The following CACNA2D3 variants were observed in gnomAD, a reference collection of about 807,000 sequenced individuals.
CACNA2D3 encodes the protein calcium voltage-gated channel auxiliary subunit alpha2delta 3, also known as voltage-dependent calcium channel subunit alpha-2/delta-3.
Under a neutral mutation model 160.6 loss-of-function variants are expected in CACNA2D3, and 60 were observed. The ratio of observed to expected loss-of-function variants is 0.37; its 90% CI spans 0.30 to 0.46. The LOEUF is 0.46. Ranked by LOEUF, CACNA2D3 falls within the 20% of genes least tolerant of loss-of-function variation. The pLI, the probability that CACNA2D3 is intolerant of heterozygous loss-of-function variation, is 1.00. For synonymous variants in CACNA2D3, 558 were observed against 492.9 expected (o/e 1.13, Z -1.75); for missense variants, 1,205 against 1,365.0 (o/e 0.88, Z 1.85).
At chr3:54,850,255 T>G (rs970292735) in intron 17 of CACNA2D3, among the ~76,000 whole-genome samples, 4 of 152,146 alleles carry the variant, frequency 2.6e-5, no homozygotes, top group Admixed American at 6.5e-5. Context: ...GAAGTAATCT[T>G]CAAAGGGGCC....
At chr3:54,723,105 AT>A (rs1380461851) in intron 11 of CACNA2D3, among the ~76,000 whole-genome samples, 2 of 152,210 alleles carry the variant, frequency 1.3e-5, no homozygotes, top group African/African-American at 4.8e-5. Context: ...GAGAGGAGAA[AT>A]CTGGCAGTCT....
At chr3:54,608,997 T>G (rs983222976) in intron 9 of CACNA2D3, among the ~76,000 whole-genome samples, 1 of 152,186 alleles carries the variant, frequency 6.6e-6, no homozygotes, top group Non-Finnish European at 1.5e-5. Context: ...GCCTCCTGAC[T>G]GAGCAATTGA....
Position 54,751,062 on chromosome 3 carries a change from G to A in CACNA2D3, c.1168-1537G>A, listed in dbSNP as rs1038073772. Reference sequence around the variant, plus strand: ...TGGGAGTACAGGTGTGAGCCACTGCGCTCAGCTGGATCTTTGCTTTCTTTT... The same window carrying A: ...TGGGAGTACAGGTGTGAGCCACTGCACTCAGCTGGATCTTTGCTTTCTTTT... On this transcript the variant is annotated intron_variant, in intron 11 of 37. Coordinates refer to ENST00000474759, the MANE Select transcript of CACNA2D3 (RefSeq NM_018398.3). Among the ~76,000 whole-genome samples, 9 of 152,082 alleles carry A rather than the reference G, an allele frequency of 5.9e-5. No individual in the cohort carries two copies. The South Asian group carries it at 8.3e-4, about 14-fold the overall frequency.
At chr3:54,960,343 AC>A (rs1201288687) in intron 27 of CACNA2D3, among the ~76,000 whole-genome samples, 29 of 151,966 alleles carry the variant, frequency 1.9e-4, no homozygotes, top group South Asian at 1.5e-3. Flanking sequence ...AAGATTACCA[AC>A]CCCCCATACC....
At chr3:54,259,987 C>G (rs1559899553) in intron 2 of CACNA2D3, among the ~76,000 whole-genome samples, 1 of 152,190 alleles carries the variant, frequency 6.6e-6, no homozygotes. Flanking sequence ...TCCTCCTTCT[C>G]CTTGGGAATT....
At chr3:54,186,943 G>A (rs1700888706) in intron 2 of CACNA2D3, among the ~76,000 whole-genome samples, 1 of 152,178 alleles carries the variant, frequency 6.6e-6, no homozygotes, top group Non-Finnish European at 1.5e-5. Context: ...CTAGTGAGGA[G>A]GGAAAGGAAA....
At chr3:54,820,141 A>G (rs1047591978) in intron 14 of CACNA2D3, among the ~76,000 whole-genome samples, 1 of 152,162 alleles carries the variant, frequency 6.6e-6, no homozygotes, top group African/African-American at 2.4e-5. Context: ...TCATGAGCGC[A>G]TACGTTGTAC....
chr3:54,186,619 A>G (rs1700882988), intron 2 of CACNA2D3, among the ~76,000 whole-genome samples: 1 of 152,160 alleles, frequency 6.6e-6, no homozygotes, highest in Non-Finnish European at 1.5e-5. Flanking sequence ...TTCTCTTCAT[A>G]CTACATGACT....
intron 13 of CACNA2D3, among the ~76,000 whole-genome samples, chr3:54,814,248 A>G (rs1051423548): frequency 8.5e-5 from 13 of 152,304 alleles, no homozygotes; most frequent in African/African-American, 2.9e-4. Context: ...AGCCGTTGCT[A>G]ATTAGTTAGA....
intron 11 of CACNA2D3, among the ~76,000 whole-genome samples, chr3:54,728,982 G>T (rs973322766): frequency 1.3e-5 from 2 of 152,164 alleles, no homozygotes; most frequent in African/African-American, 4.8e-5. Context: ...GGGAGAAATT[G>T]TCTGCAGAAC....
chr3:54,719,572 T>C (rs1195808504), intron 11 of CACNA2D3, among the ~76,000 whole-genome samples: 1 of 152,096 alleles, frequency 6.6e-6, no homozygotes, highest in Non-Finnish European at 1.5e-5. Flanking sequence ...TTAAGATCTT[T>C]GTGTCTGTGT....
intron 3 of CACNA2D3, among the ~76,000 whole-genome samples, chr3:54,330,289 G>C (rs1182237594): frequency 6.6e-6 from 1 of 151,594 alleles, no homozygotes; most frequent in Non-Finnish European, 1.5e-5. Flanking sequence ...AATATACTTA[G>C]AGAGCCTCCC....
chr3:54,356,145 T>C (rs1174130662), intron 3 of CACNA2D3, among the ~76,000 whole-genome samples: 1 of 152,152 alleles, frequency 6.6e-6, no homozygotes, highest in African/African-American at 2.4e-5. Context: ...GCTCCCTCAG[T>C]GAAATTTGGA....
rs183898403 is a variant in CACNA2D3 at position 54,522,950 on chromosome 3, T to C, written c.544+19296T>C. 1.3e-3 allele frequency among the ~76,000 whole-genome samples: 194 copies of C among 152,024 alleles called. 2 individuals carry two copies. The highest frequency in any genetic ancestry group is 4.6e-3 in the African/African-American group (189 of 41,492). On this transcript the variant is annotated intron_variant, in intron 5 of 37. Coordinates refer to ENST00000474759, the MANE Select transcript of CACNA2D3 (RefSeq NM_018398.3). ...TTTATTTATTTACTTACTTACTTAC[T>C]TACTTACTTACTTACTTACTTACTG... is the stretch of plus-strand genomic sequence containing the variant.
At chr3:54,272,057 AAGTTTCTTG>A (rs1702633514) in intron 2 of CACNA2D3, among the ~76,000 whole-genome samples, 3 of 151,816 alleles carry the variant, frequency 2.0e-5, no homozygotes, top group Admixed American at 2.0e-4. Flanking sequence ...AGAGGACTGG[AAGTTTCTTG>A]AGTGTCTCTT....
intron 4 of CACNA2D3, among the ~76,000 whole-genome samples, chr3:54,457,249 A>T (rs931026085): frequency 6.6e-6 from 1 of 151,544 alleles, no homozygotes; most frequent in Non-Finnish European, 1.5e-5. Flanking sequence ...AGGTTTTGGT[A>T]TGTTGTGTTT....
chr3:54,717,749 G>GGT (rs1200252737), intron 11 of CACNA2D3, among the ~76,000 whole-genome samples: 2 of 78,994 alleles, frequency 2.5e-5, no homozygotes, highest in African/African-American at 9.1e-5. Flanking sequence ...TGTGTGGTGT[G>GGT]GTGTGTGCAA....
intron 4 of CACNA2D3, among the ~76,000 whole-genome samples, chr3:54,391,556 A>C (rs549976597): frequency 8.0e-5 from 12 of 150,016 alleles, no homozygotes; most frequent in Non-Finnish European, 1.8e-4. Flanking sequence ...TGTCACCCAG[A>C]CCGGAGTGCA....
intron 12 of CACNA2D3, among the ~76,000 whole-genome samples, chr3:54,754,163 C>T (rs1054855175): frequency 5.3e-5 from 8 of 152,138 alleles, no homozygotes; most frequent in African/African-American, 1.9e-4. Flanking sequence ...AGTTTGGGGA[C>T]AGCACTGGGA....
Sources: gnomAD v4.1 joint callset for allele counts (sites outside exome capture counted in the v4.1 genomes callset) on GRCh38, gnomAD v4.1.1 for gene constraint, MANE v1.5 for transcripts, NCBI Gene and HGNC (gene_info 2026-07-23, HGNC 2026-07-21) for gene names.